Variants in FIGLA observed in about 807,000 individuals in gnomAD.
FIGLA encodes factor in the germline alpha.
FIGLA carries 17 observed loss-of-function variants against 21.5 expected under a neutral mutation model. That is an observed-to-expected ratio of 0.79 (90% CI 0.54 to 1.19). The LOEUF (loss-of-function observed/expected upper bound fraction) is 1.19, where lower values mean the gene tolerates loss of function less well. Ranked by LOEUF, FIGLA falls within the 50% of genes most tolerant of loss-of-function variation. The probability of loss-of-function intolerance (pLI) is 0.00; values close to 1 mark genes in which losing one functional copy is unlikely to be tolerated. For synonymous variants in FIGLA, 129 were observed against 117.6 expected, an observed-to-expected ratio of 1.10 and a Z score of -0.63; for missense variants, 282 against 285.0, an observed-to-expected ratio of 0.99 and a Z score of 0.08.
In FIGLA at chr2:70,787,720, C is replaced by G. The variant is rs1553390251; in HGVS notation, c.313G>C (p.Asp105His). 1.2e-6 allele frequency: 2 copies of G among 1,611,128 alleles called. No homozygotes were observed. The highest frequency in any genetic ancestry group is 2.2e-5 in the South Asian group (2 of 90,038). Residue 105 changes from aspartate (D) to histidine (H), a missense_variant, in exon 2 of 5, where the codon GAT (aspartate) becomes CAT (histidine). Coordinates refer to ENST00000332372, the MANE Select transcript of FIGLA (RefSeq NM_001004311.3). ...LPQSRKPSKV[D>H]ILKGATEYIQ... is the part of the protein sequence containing the mutation. ...TATTCAGTCGCACCTTTAAGGATAT[C>G]AACTTTGCTGGGCTTCCTGCTTTGG...
intron 3 of FIGLA, among the ~76,000 whole-genome samples, chr2:70,780,461 TC>T (rs1675834462): frequency 6.6e-6 from 1 of 152,190 alleles, no homozygotes; most frequent in Non-Finnish European, 1.5e-5. Context: ...AGTCACCGCT[TC>T]AGGAAAGCTG....
intron 1 of FIGLA, 40 bp downstream of exon 1, chr2:70,790,368 G>A: frequency 1.3e-6 from 2 of 1,488,832 alleles, no homozygotes; most frequent in Non-Finnish European, 1.8e-6. Flanking sequence ...TGGTAGAGCA[G>A]GGAAGGGGGG....
chr2:70,786,268 G>T (rs1435898913), intron 2 of FIGLA, among the ~76,000 whole-genome samples: 1 of 148,738 alleles, frequency 6.7e-6, no homozygotes, highest in African/African-American at 2.5e-5. Context: ...GGAGTGGGGT[G>T]GGGGGTGGTT....
Position 70,777,350 on chromosome 2 carries a change from C to T in FIGLA, c.*17G>A. 6.7e-7 allele frequency: 1 copy of T among 1,489,192 alleles called. No individual in the cohort carries two copies. The highest frequency in any genetic ancestry group is 2.5e-5 in the East Asian group (1 of 40,432). The allele number at this position is 1,489,192 out of a possible 1,614,324, so 92.2% of individuals were successfully genotyped here. ...ATTTATTTGTCTCTAGAAGGTAACC[C>T]TGGGCCTTTTCATTTTTCATACTTG... On this transcript the variant is annotated 3_prime_UTR_variant, in exon 5 of 5. Coordinates refer to ENST00000332372, the MANE Select transcript of FIGLA (RefSeq NM_001004311.3).
chr2:70,783,577 T>C (rs1292099551), intron 3 of FIGLA, among the ~76,000 whole-genome samples: 3 of 152,154 alleles, frequency 2.0e-5, no homozygotes, highest in Non-Finnish European at 4.4e-5. Flanking sequence ...GACAGTGACA[T>C]GATGACACCT....
chr2:70,777,542 G>T, intron 4 of FIGLA, 95 bp downstream of exon 4: 1 of 1,528,082 alleles, frequency 6.5e-7, no homozygotes, highest in Non-Finnish European at 8.9e-7. Flanking sequence ...TTTTAATAGA[G>T]CTCATTGCTA....
At position 70,785,463 on chromosome 2, in the gene FIGLA, G is replaced by T; in HGVS notation, c.561C>A (p.Arg187=). The part of the protein sequence containing the change: ...GGSGEPAHAC[R]HSVMSTTEII... ...TTTCAGTCGTAGACATCACACTGTG[G>T]CGACAAGCGTGTGCTGGCTCACCAC... Residue 187 remains arginine, a synonymous_variant, in exon 3 of 5, where the codon CGC becomes CGA. Coordinates refer to ENST00000332372, the MANE Select transcript of FIGLA (RefSeq NM_001004311.3). The T allele has an allele frequency of 6.2e-7, 1 of 1,613,978 alleles. No individual in the cohort carries two copies. The highest frequency in any genetic ancestry group is 8.5e-7 in the Non-Finnish European group (1 of 1,179,892).
intron 3 of FIGLA, among the ~76,000 whole-genome samples, chr2:70,782,616 T>C (rs528506033): frequency 1.7e-3 from 258 of 152,360 alleles, no homozygotes; most frequent in Middle Eastern, 6.8e-3. Flanking sequence ...GCATTGTGGC[T>C]ATGCAGGGGA....
At chr2:70,780,888 G>A (rs1255067202) in intron 3 of FIGLA, among the ~76,000 whole-genome samples, 1 of 152,180 alleles carries the variant, frequency 6.6e-6, no homozygotes, top group Non-Finnish European at 1.5e-5. Context: ...TCCAGCAGAT[G>A]AGGGGCATAT....
At chr2:70,781,938 T>C (rs1675863199) in intron 3 of FIGLA, among the ~76,000 whole-genome samples, 1 of 152,236 alleles carries the variant, frequency 6.6e-6, no homozygotes, top group African/African-American at 2.4e-5. Flanking sequence ...GTGGTACCAA[T>C]GTCAGTTTCC....
rs1391763188 is a variant in FIGLA at position 70,787,675 on chromosome 2, G to T, written c.358C>A (p.Leu120Ile). Residue 120 changes from leucine to isoleucine, a missense_variant, in exon 2 of 5, where the codon CTT becomes ATT. Coordinates refer to ENST00000332372, the MANE Select transcript of FIGLA (RefSeq NM_001004311.3). ...ATEYIQVLSD[L>I]LEGAKDSKKQ... ...TTTGAGTCTTTGGCTCCTTCCAAAA[G>T]ATCACTGAGAACCTGTATATATTCA... 6.3e-7 allele frequency: 1 copy of T among 1,581,764 alleles called. No homozygotes were observed. The highest frequency in any genetic ancestry group is 8.6e-7 in the Non-Finnish European group (1 of 1,163,312).
chr2:70,778,973 C>A (rs1675809518), intron 3 of FIGLA, among the ~76,000 whole-genome samples: 1 of 152,146 alleles, frequency 6.6e-6, no homozygotes, highest in South Asian at 2.1e-4. Flanking sequence ...AGAGTTCAGT[C>A]CCTGTTCCTA....
intron 3 of FIGLA, among the ~76,000 whole-genome samples, chr2:70,782,339 G>A (rs1433010002): frequency 7.2e-5 from 11 of 152,090 alleles, no homozygotes; most frequent in East Asian, 1.9e-4. Flanking sequence ...GAATCTAATC[G>A]AAAGGAAACA....
chr2:70,790,143 C>G (rs1350332996), intron 1 of FIGLA, among the ~76,000 whole-genome samples: 2 of 152,202 alleles, frequency 1.3e-5, no homozygotes, highest in African/African-American at 2.4e-5. Flanking sequence ...TCCTCTGTCC[C>G]CTCCCAGACC....
Position 70,790,388 on chromosome 2 carries a change from C to G in FIGLA, c.231+20G>C. ...GAGCAGGGAAGGGGGGAACGGACGT[C>G]GACCCTAGGGATCCCTCACCCGCTC... On this transcript the variant is annotated intron_variant, in intron 1 of 4. Coordinates refer to ENST00000332372, the MANE Select transcript of FIGLA (RefSeq NM_001004311.3). The G allele has an allele frequency of 6.7e-7, 1 of 1,500,530 alleles. No homozygotes were observed. The highest frequency in any genetic ancestry group is 8.9e-7 in the Non-Finnish European group (1 of 1,122,634). 93.0% of individuals were successfully genotyped at this position (1,500,530 alleles called of 1,614,324 possible). A position where few individuals can be genotyped will look rare whatever the true frequency, so the allele number is the denominator to read the frequency against.
chr2:70,787,070 C>G (rs1442369623), intron 2 of FIGLA, among the ~76,000 whole-genome samples: 4 of 152,226 alleles, frequency 2.6e-5, no homozygotes, highest in African/African-American at 4.8e-5. Flanking sequence ...CTATCTCACT[C>G]TCATAATGGT....
intron 3 of FIGLA, among the ~76,000 whole-genome samples, chr2:70,778,068 G>A (rs531310448): frequency 6.6e-6 from 1 of 152,280 alleles, no homozygotes; most frequent in African/African-American, 2.4e-5. Context: ...ACATCACTGT[G>A]GATGGTAAAG....
intron 4 of FIGLA, 78 bp from the exon 5 acceptor site, chr2:70,777,460 AAATT>A (rs1675780351): frequency 1.5e-6 from 2 of 1,353,974 alleles, no homozygotes; most frequent in Admixed American, 5.7e-5. Context: ...AATATGCAAA[AAATT>A]AATTTTATTA....
intron 1 of FIGLA, among the ~76,000 whole-genome samples, chr2:70,789,488 A>C (rs564641292): frequency 6.6e-6 from 1 of 152,216 alleles, no homozygotes; most frequent in African/African-American, 2.4e-5. Flanking sequence ...GAGGAGACTT[A>C]AAGAAGTCTC....
Sources: gnomAD v4.1 joint callset for allele counts (sites outside exome capture counted in the v4.1 genomes callset) on GRCh38, gnomAD v4.1.1 for gene constraint, MANE v1.5 for transcripts, NCBI Gene and HGNC (gene_info 2026-07-23, HGNC 2026-07-21) for gene names.